SLC35F3: variants seen among roughly 807,000 people sequenced by gnomAD.
SLC35F3 encodes solute carrier family 35 member F3.
A neutral mutation model predicts 49.9 loss-of-function variants in SLC35F3; 25 were observed. The ratio of observed to expected loss-of-function variants is 0.50; its 90% CI spans 0.37 to 0.70. The LOEUF (loss-of-function observed/expected upper bound fraction) is 0.70, where lower values mean the gene tolerates loss of function less well. Among genes scored for constraint, SLC35F3 ranks in the 30% least tolerant of loss-of-function variants. SLC35F3 has a pLI of 0.00. For synonymous variants in SLC35F3, 275 were observed against 265.4 expected (o/e 1.04, Z -0.35); for missense variants, 525 against 639.8 (o/e 0.82, Z 1.94).
intron 2 of SLC35F3, among the ~76,000 whole-genome samples, chr1:234,037,713 G>C (rs1445409069): frequency 6.6e-6 from 1 of 152,232 alleles, no homozygotes; most frequent in East Asian, 1.9e-4. Flanking sequence ...AGTGACATTT[G>C]ACCAGACTTG....
At chr1:234,264,727 A>G (rs1265614963) in intron 3 of SLC35F3, among the ~76,000 whole-genome samples, 1 of 151,956 alleles carries the variant, frequency 6.6e-6, no homozygotes, top group East Asian at 1.9e-4. Context: ...TAATTTCTAA[A>G]TTTTTTGTAG....
At chr1:233,958,518 T>C (rs910054597) in intron 2 of SLC35F3, among the ~76,000 whole-genome samples, 8 of 152,242 alleles carry the variant, frequency 5.3e-5, no homozygotes, top group African/African-American at 1.4e-4. Context: ...TGGAACACAC[T>C]CCAGCAAGTT....
At chr1:234,054,216 G>T (rs1188269800) in intron 2 of SLC35F3, among the ~76,000 whole-genome samples, 4 of 152,166 alleles carry the variant, frequency 2.6e-5, no homozygotes, top group Non-Finnish European at 5.9e-5. Context: ...AGTTCTCCTG[G>T]ATAATATCCT....
At position 233,905,510 on chromosome 1, in the gene SLC35F3, G is replaced by A. The variant is rs771606973; in HGVS notation, c.54-19G>A. The A allele has an allele frequency of 1.3e-6, 2 of 1,593,020 alleles. No individual in the cohort carries two copies. The highest frequency in any genetic ancestry group is 2.3e-5 in the East Asian group (1 of 44,218). On this transcript the variant is annotated intron_variant, in intron 1 of 7. Coordinates refer to ENST00000366618, the MANE Select transcript of SLC35F3 (RefSeq NM_173508.4). ...GCTCCCCCTGCCCACCCACCTGCCC[G>A]TGGCGCCTGCGACCGCAGTGGCATG...
At chr1:233,959,052 A>G (rs945197948) in intron 2 of SLC35F3, among the ~76,000 whole-genome samples, 7 of 152,202 alleles carry the variant, frequency 4.6e-5, no homozygotes, top group Non-Finnish European at 5.9e-5. Context: ...TTAAGGGTCC[A>G]TTTCCCTTTC....
intron 2 of SLC35F3, among the ~76,000 whole-genome samples, chr1:234,222,406 A>G (rs985497802): frequency 2.0e-5 from 3 of 152,238 alleles, no homozygotes; most frequent in African/African-American, 7.2e-5. Flanking sequence ...TTGTTGATGC[A>G]TAACGACTCT....
chr1:234,040,426 A>G (rs1474315296), intron 2 of SLC35F3, among the ~76,000 whole-genome samples: 2 of 152,202 alleles, frequency 1.3e-5, no homozygotes, highest in African/African-American at 4.8e-5. Context: ...TTTGGGTCAC[A>G]GGTTTCAGGC....
At chr1:234,252,794 A>T (rs532838231) in intron 3 of SLC35F3, among the ~76,000 whole-genome samples, 17 of 152,348 alleles carry the variant, frequency 1.1e-4, no homozygotes, top group African/African-American at 3.8e-4. Flanking sequence ...GATAAACCTT[A>T]TGTGGAGTAA....
In SLC35F3 at chr1:233,904,997, G is replaced by C; in HGVS notation, c.-81G>C. 1 of 1,481,218 alleles carries C rather than the reference G, an allele frequency of 6.8e-7. No homozygotes were observed. The highest frequency in any genetic ancestry group is 9.2e-7 in the Non-Finnish European group (1 of 1,089,270). 91.8% of individuals were successfully genotyped at this position (1,481,218 alleles called of 1,614,324 possible). A position where few individuals can be genotyped will look rare whatever the true frequency, so the allele number is the denominator to read the frequency against. ...TGGGCAGCGCACTCCAGTCTTCCCAGGCTAGCGGCTGCAGGGAGCTCCGGC... is the reference window on the plus strand; with the variant it reads ...TGGGCAGCGCACTCCAGTCTTCCCACGCTAGCGGCTGCAGGGAGCTCCGGC... On this transcript the variant is annotated 5_prime_UTR_variant, in exon 1 of 8. Coordinates refer to ENST00000366618, the MANE Select transcript of SLC35F3 (RefSeq NM_173508.4).
At chr1:234,102,102 A>T (rs1224104928) in intron 2 of SLC35F3, among the ~76,000 whole-genome samples, 1 of 152,236 alleles carries the variant, frequency 6.6e-6, no homozygotes, top group Non-Finnish European at 1.5e-5. Flanking sequence ...AGAAAGTATC[A>T]CTACCCATGG....
chr1:233,965,847 G>T (rs1176424630), intron 2 of SLC35F3, among the ~76,000 whole-genome samples: 1 of 152,126 alleles, frequency 6.6e-6, no homozygotes, highest in Non-Finnish European at 1.5e-5. Flanking sequence ...TCTATGTAGG[G>T]GTAATTTGTT....
At chr1:234,290,952 G>T (rs1204892487) in intron 3 of SLC35F3, among the ~76,000 whole-genome samples, 6 of 152,020 alleles carry the variant, frequency 3.9e-5, no homozygotes, top group Non-Finnish European at 7.4e-5. Flanking sequence ...TCTTACTGAA[G>T]ATTGGATTGG....
intron 2 of SLC35F3, among the ~76,000 whole-genome samples, chr1:234,000,487 C>T (rs1331651034): frequency 1.3e-5 from 2 of 152,106 alleles, no homozygotes; most frequent in Non-Finnish European, 2.9e-5. Context: ...GTACTAGGTG[C>T]CACAGGAAAT....
intron 2 of SLC35F3, among the ~76,000 whole-genome samples, chr1:233,973,073 G>T (rs1014197299): frequency 6.6e-6 from 1 of 152,222 alleles, no homozygotes; most frequent in African/African-American, 2.4e-5. Flanking sequence ...AAGGCAAAAA[G>T]ACACTGTCCC....
chr1:234,103,071 T>A (rs2102883272), intron 2 of SLC35F3, among the ~76,000 whole-genome samples: 1 of 152,352 alleles, frequency 6.6e-6, no homozygotes, highest in South Asian at 2.1e-4. Context: ...TTAGATTCAC[T>A]CTAAAGAGAT....
Position 234,098,616 on chromosome 1 carries a change from G to T in SLC35F3, c.284-132801G>T, listed in dbSNP as rs533332055. Among the ~76,000 whole-genome samples, 152 of 151,200 alleles carry T rather than the reference G, an allele frequency of 1.0e-3. 2 individuals are homozygous for T. The South Asian group carries it at 0.021, about 21-fold the overall frequency. ...GTGACAGTGTTATAGGGTGATGGTG[G>T]TGACTGTATTGGTGGTGGTGGTGGC... On this transcript the variant is annotated intron_variant, in intron 2 of 7. Coordinates refer to ENST00000366618, the MANE Select transcript of SLC35F3 (RefSeq NM_173508.4).
chr1:233,929,130 T>C (rs202157300), intron 2 of SLC35F3, among the ~76,000 whole-genome samples: 2 of 151,658 alleles, frequency 1.3e-5, no homozygotes, highest in Non-Finnish European at 2.9e-5. Flanking sequence ...TCTGCAAATA[T>C]AGTGAGGAGT....
At chr1:234,133,171 A>G (rs540542555) in intron 2 of SLC35F3, among the ~76,000 whole-genome samples, 1 of 152,340 alleles carries the variant, frequency 6.6e-6, no homozygotes, top group African/African-American at 2.4e-5. Flanking sequence ...AAAGAATTAC[A>G]GCAAATTTCT....
intron 2 of SLC35F3, among the ~76,000 whole-genome samples, chr1:234,006,218 G>A (rs1441292983): frequency 1.3e-5 from 2 of 152,062 alleles, no homozygotes; most frequent in African/African-American, 4.8e-5. Context: ...ATGACTGATG[G>A]GAGAATAAAT....
Sources: gnomAD v4.1 joint callset for allele counts (sites outside exome capture counted in the v4.1 genomes callset) on GRCh38, gnomAD v4.1.1 for gene constraint, MANE v1.5 for transcripts, NCBI Gene and HGNC (gene_info 2026-07-23, HGNC 2026-07-21) for gene names.